ETV6: variants seen among roughly 807,000 people sequenced by gnomAD.
The protein encoded by ETV6 is transcription factor ETV6.
ETV6 carries 16 observed loss-of-function variants against 51.1 expected under a neutral mutation model. That is an observed-to-expected ratio of 0.31 (90% CI 0.21 to 0.48). The LOEUF (loss-of-function observed/expected upper bound fraction) is 0.48. ETV6 is among the 20% of genes least tolerant of loss of function. ETV6 has a pLI of 0.99. For missense variants in ETV6, 458 were observed against 594.8 expected (o/e 0.77, Z 2.39); for synonymous variants, 240 against 224.1 (o/e 1.07, Z -0.64).
intron 1 of ETV6, 119 bp downstream of exon 1, chr12:11,650,279 T>G: frequency 1.1e-6 from 1 of 898,352 alleles, no homozygotes; most frequent in Middle Eastern, 3.1e-4. Context: ...GGAAATTATT[T>G]GGGGCGAGAG....
chr12:11,721,777 G>A (rs1308106557), intron 1 of ETV6, among the ~76,000 whole-genome samples: 1 of 152,178 alleles, frequency 6.6e-6, no homozygotes, highest in Non-Finnish European at 1.5e-5. Flanking sequence ...CAGAGGGTCT[G>A]GCACCCTGGC....
chr12:11,752,663 G>T (rs1227057725), intron 2 of ETV6, 84 bp downstream of exon 2: 26 of 1,516,482 alleles, frequency 1.7e-5, no homozygotes, highest in Non-Finnish European at 2.2e-5. Flanking sequence ...CCAGAGAGGG[G>T]CAAGCTCTGA....
At chr12:11,743,477 G>T (rs149106508) in intron 1 of ETV6, among the ~76,000 whole-genome samples, 67 of 152,256 alleles carry the variant, frequency 4.4e-4, no homozygotes, top group African/African-American at 1.5e-3. Context: ...GAGGGTTGGG[G>T]TATCCCTTAG....
At chr12:11,691,211 T>C (rs1864755003) in intron 1 of ETV6, among the ~76,000 whole-genome samples, 1 of 152,042 alleles carries the variant, frequency 6.6e-6, no homozygotes, top group African/African-American at 2.4e-5. Context: ...TAAAACACCT[T>C]CTAGAGGCCC....
At chr12:11,763,831 A>T (rs777023371) in intron 2 of ETV6, among the ~76,000 whole-genome samples, 4 of 152,224 alleles carry the variant, frequency 2.6e-5, no homozygotes, top group African/African-American at 9.6e-5. Context: ...TTGCTAAAGG[A>T]GTATTGAGAT....
At chr12:11,800,773 A>G (rs1196924360) in intron 2 of ETV6, among the ~76,000 whole-genome samples, 2 of 152,150 alleles carry the variant, frequency 1.3e-5, no homozygotes, top group Non-Finnish European at 2.9e-5. Context: ...TACTCCCCAG[A>G]AAGAATTAAA....
intron 2 of ETV6, among the ~76,000 whole-genome samples, chr12:11,786,299 C>T (rs1945483007): frequency 6.6e-6 from 1 of 150,992 alleles, no homozygotes; most frequent in Non-Finnish European, 1.5e-5. Flanking sequence ...ATTTTCTCTA[C>T]CACAAAATCT....
intron 1 of ETV6, among the ~76,000 whole-genome samples, chr12:11,666,646 C>A (rs1469523330): frequency 6.6e-6 from 1 of 152,214 alleles, no homozygotes; most frequent in Non-Finnish European, 1.5e-5. Flanking sequence ...CTGAATAGCT[C>A]GTTTTCTCCC....
chr12:11,797,789 A>C (rs1164465044), intron 2 of ETV6, among the ~76,000 whole-genome samples: 2 of 152,252 alleles, frequency 1.3e-5, no homozygotes, highest in Non-Finnish European at 2.9e-5. Flanking sequence ...CTAAAACCCA[A>C]GTAAAATAAA....
chr12:11,829,724 T>A lies in ETV6; in HGVS notation c.164-9416T>A, dbSNP rs150630648. 1.5e-3 allele frequency among the ~76,000 whole-genome samples: 233 copies of A among 152,318 alleles called. 4 individuals carry two copies. The highest frequency in any genetic ancestry group is 5.4e-3 in the African/African-American group (224 of 41,572). On this transcript the variant is annotated intron_variant, in intron 2 of 7. Coordinates refer to ENST00000396373, the MANE Select transcript of ETV6 (RefSeq NM_001987.5). ...ATCATTCGAGGGAATTGACTGTGAC[T>A]TTGGATCTGAACATGAACATAGAGT... is the stretch of plus-strand genomic sequence containing the variant.
chr12:11,724,709 A>G (rs1865455452), intron 1 of ETV6, among the ~76,000 whole-genome samples: 1 of 152,196 alleles, frequency 6.6e-6, no homozygotes, highest in Non-Finnish European at 1.5e-5. Context: ...CTAGGAATAA[A>G]GTGTTAACTT....
chr12:11,714,435 A>T (rs969597625), intron 1 of ETV6, among the ~76,000 whole-genome samples: 1 of 152,176 alleles, frequency 6.6e-6, no homozygotes, highest in Non-Finnish European at 1.5e-5. Flanking sequence ...TTGCCTAACT[A>T]CGCAGCCTGC....
chr12:11,817,529 A>G (rs1283627991), intron 2 of ETV6, among the ~76,000 whole-genome samples: 2 of 152,234 alleles, frequency 1.3e-5, no homozygotes, highest in African/African-American at 2.4e-5. Context: ...TTATAACTCT[A>G]TGGAGTAATT....
At position 11,740,615 on chromosome 12, in the gene ETV6, T is replaced by A. The variant is rs531544967; in HGVS notation, c.34-11835T>A. Among the ~76,000 whole-genome samples the A allele has an allele frequency of 3.9e-5, 6 of 152,304 alleles. No homozygotes were observed. The South Asian group carries it at 1.2e-3, about 32-fold the overall frequency. Reference sequence around the variant, plus strand: ...GCATTTTGTCTAAAGGAAGGATAGATAGAATACTACTAATAATATCAAGAT... The same window carrying A: ...GCATTTTGTCTAAAGGAAGGATAGAAAGAATACTACTAATAATATCAAGAT... On this transcript the variant is annotated intron_variant, in intron 1 of 7. Coordinates refer to ENST00000396373, the MANE Select transcript of ETV6 (RefSeq NM_001987.5).
chr12:11,702,755 T>C (rs1865008128), intron 1 of ETV6, among the ~76,000 whole-genome samples: 1 of 152,220 alleles, frequency 6.6e-6, no homozygotes, highest in South Asian at 2.1e-4. Context: ...GCAGTTTCTA[T>C]TCTGAACTGT....
intron 2 of ETV6, 81 bp from the exon 3 acceptor site, chr12:11,839,059 A>G (rs1946353767): frequency 3.5e-6 from 5 of 1,436,328 alleles, no homozygotes; most frequent in Non-Finnish European, 3.8e-6. Flanking sequence ...TTAACTATTC[A>G]GAGACCTTCT....
At chr12:11,733,306 G>A (rs1181129791) in intron 1 of ETV6, among the ~76,000 whole-genome samples, 2 of 150,718 alleles carry the variant, frequency 1.3e-5, no homozygotes, top group Non-Finnish European at 2.9e-5. Context: ...TGCTCGGGAG[G>A]CTGAGGCAGG....
chr12:11,832,791 A>G (rs949043750), intron 2 of ETV6, among the ~76,000 whole-genome samples: 12 of 152,252 alleles, frequency 7.9e-5, no homozygotes, highest in Admixed American at 7.9e-4. Flanking sequence ...TCCAAAAACC[A>G]GAGTATTTAG....
At chr12:11,752,138 A>AT (rs765400999) in intron 1 of ETV6, among the ~76,000 whole-genome samples, 34 of 152,006 alleles carry the variant, frequency 2.2e-4, no homozygotes, top group South Asian at 1.5e-3. Flanking sequence ...TCGCGGACGT[A>AT]TTTTTTTTGT....
Sources: allele counts gnomAD v4.1 joint callset (sites outside exome capture counted in the v4.1 genomes callset), GRCh38; gene constraint gnomAD v4.1.1; transcripts MANE v1.5; gene names NCBI Gene and HGNC (gene_info 2026-07-23, HGNC 2026-07-21).